The following AIFM1 variants were observed in gnomAD, a reference collection of about 807,000 sequenced individuals.
AIFM1 encodes apoptosis inducing factor mitochondria associated 1.
A neutral mutation model predicts 51.7 loss-of-function variants in AIFM1; 3 were observed. That is an observed-to-expected ratio of 0.06 (90% confidence interval 0.03 to 0.15). The LOEUF is 0.15. Ranked by LOEUF, AIFM1 falls within the 10% of genes least tolerant of loss-of-function variation. AIFM1 has a pLI of 1.00. For missense variants in AIFM1, 330 were observed against 476.8 expected (o/e 0.69, Z 2.87); for synonymous variants, 178 against 179.4 (o/e 0.99, Z 0.06).
At chrX:130,136,804 A>C in intron 10 of AIFM1, 73 bp from the exon 11 acceptor site, 1 of 1,095,951 alleles carries the variant, frequency 9.1e-7, no homozygotes, top group East Asian at 3.0e-5. Context: ...AAAGCTGACC[A>C]GCGGTCTCCT....
At chrX:130,156,064 A>T (rs956655519) in intron 2 of AIFM1, among the ~76,000 whole-genome samples, 31 of 111,713 alleles carry the variant, frequency 2.8e-4, no homozygotes, top group African/African-American at 1.0e-3. Flanking sequence ...CCTCAAGCTG[A>T]GGAAATAAAA....
chrX:130,130,303 C>G, intron 14 of AIFM1, 137 bp from the exon 15 acceptor site: 1 of 707,835 alleles, frequency 1.4e-6, no homozygotes, highest in Admixed American at 2.7e-5. Context: ...TTTCTCTATG[C>G]CCCCTCAGTA....
At position 130,138,203 on chromosome X, in the gene AIFM1, C is replaced by G. The variant is rs1180397646; in HGVS notation, c.967+390G>C. Among the ~76,000 whole-genome samples, 6 of 111,665 alleles carry G rather than the reference C, an allele frequency of 5.4e-5. No individual in the cohort carries two copies. In the East Asian group the frequency reaches 1.7e-3, roughly 31 times the overall value. On this transcript the variant is annotated intron_variant, in intron 9 of 15. Coordinates refer to ENST00000287295, the MANE Select transcript of AIFM1 (RefSeq NM_004208.4). ...TAATTAGGCTGGGTGTGGTGGCTCA[C>G]GCCTGTAATCCCAGCACTTTGGGAG...
chrX:130,163,229 G>C (rs943112792), intron 1 of AIFM1, among the ~76,000 whole-genome samples: 46 of 105,419 alleles, frequency 4.4e-4, no homozygotes, highest in Non-Finnish European at 7.7e-5. Context: ...AGAATTGCTT[G>C]AACCCAGCAG....
At chrX:130,136,874 C>A in intron 10 of AIFM1, 143 bp from the exon 11 acceptor site, 1 of 1,011,200 alleles carries the variant, frequency 9.9e-7, no homozygotes. Flanking sequence ...GAACCTACAC[C>A]CATGGTTCAT....
At chrX:130,138,193 T>C (rs960961537) in intron 9 of AIFM1, among the ~76,000 whole-genome samples, 40 of 110,599 alleles carry the variant, frequency 3.6e-4, no homozygotes, top group Middle Eastern at 9.6e-3. Flanking sequence ...AGGCTGGGTG[T>C]GGTGGCTCAC....
intron 2 of AIFM1, among the ~76,000 whole-genome samples, chrX:130,151,385 C>T (rs2030973511): frequency 9.0e-6 from 1 of 111,041 alleles, no homozygotes; most frequent in African/African-American, 3.3e-5. Flanking sequence ...GTGATCCACC[C>T]ACCTTGGCCT....
At chrX:130,138,119 C>A (rs1236898848) in intron 9 of AIFM1, 2 of 116,469 alleles carry the variant, frequency 1.7e-5, no homozygotes, top group Admixed American at 1.8e-4. Context: ...GCTTTTTGGT[C>A]ACCAAGGGAT....
At chrX:130,137,379 A>AG in intron 9 of AIFM1, 194 bp from the exon 10 acceptor site, 1 of 1,155,261 alleles carries the variant, frequency 8.7e-7, no homozygotes, top group East Asian at 3.3e-5. Context: ...CAAATACAAC[A>AG]GGTATCAGAA....
At chrX:130,146,456 TG>T in intron 5 of AIFM1, among the ~76,000 whole-genome samples, 1 of 65,170 alleles carries the variant, frequency 1.5e-5, no homozygotes, top group Non-Finnish European at 2.5e-5. Flanking sequence ...AAAATATGTG[TG>T]TGTGTGTGTG....
In AIFM1 at chrX:130,136,141, A is replaced by G; in HGVS notation, c.1209T>C (p.Asn403=). 2.5e-6 allele frequency: 3 copies of G among 1,211,699 alleles called. No homozygotes were observed. The highest frequency in any genetic ancestry group is 3.4e-6 in the Non-Finnish European group (3 of 895,438). The change falls in exon 12 of 16, where the codon AAT becomes AAC. Residue 403 remains asparagine (N), a synonymous_variant. Coordinates refer to ENST00000287295, the MANE Select transcript of AIFM1 (RefSeq NM_004208.4). ...GGCCACCAGTCTTGGCCAACTCAAC[A>G]TTGGGCTCCAGGCCCACAGCTGCCA... ...HIVAAVGLEP[N]VELAKTGGLE...
chrX:130,141,376 G>A (rs1290078861), intron 6 of AIFM1, among the ~76,000 whole-genome samples: 1 of 111,542 alleles, frequency 9.0e-6, no homozygotes, highest in African/African-American at 3.3e-5. Context: ...ACCCATGTGT[G>A]GAAAAGGAGA....
chrX:130,165,296 A>T (rs2031492096), intron 1 of AIFM1, among the ~76,000 whole-genome samples: 1 of 111,160 alleles, frequency 9.0e-6, no homozygotes, highest in Non-Finnish European at 1.9e-5. Context: ...TTGTTCTGGG[A>T]TCCCTGAACA....
At position 130,130,857 on chromosome X, in the gene AIFM1, TCCAAATAATAC is replaced by T. The variant is rs1404068839; in HGVS notation, c.1574-702_1574-692del. ...GGCACCTTGCTGAGAACCACCAGCC[TCCAAATAATAC>T]TGTCCAGTCGACAAAGCAGTGACAT... On this transcript the variant is annotated intron_variant, in intron 14 of 15. Coordinates refer to ENST00000287295, the MANE Select transcript of AIFM1 (RefSeq NM_004208.4). 2.7e-5 allele frequency among the ~76,000 whole-genome samples: 3 copies of T among 112,155 alleles called. No homozygotes were observed. The Admixed American group carries it at 2.8e-4, about 11-fold the overall frequency.
In AIFM1 at chrX:130,131,769, T is replaced by C. The variant is rs748774215; in HGVS notation, c.1479A>G (p.Glu493=). The change falls in exon 14 of 16, where the codon GAA becomes GAG. Residue 493 remains glutamate (E), a synonymous_variant. Transcript: ENST00000287295. The stretch of plus-strand genomic sequence containing the variant: ...AACTACTGTCCACAAGACCAATAGC[T>C]TCATAGCCAACATCGGGGCCCAAAT... ...WSDLGPDVGY[E]AIGLVDSSLP... is the part of the protein sequence containing the mutation. The C allele has an allele frequency of 4.1e-6, 5 of 1,210,347 alleles. No homozygotes were observed. In the African/African-American group the frequency reaches 8.7e-5, roughly 21 times the overall value.
rs61088414 is a variant in AIFM1, at chrX:130,155,693, C to T, written c.249+768G>A. Among the ~76,000 whole-genome samples, 74 of 112,055 alleles carry T rather than the reference C, an allele frequency of 6.6e-4. 1 individual carries two copies. The East Asian group carries it at 0.02, about 30-fold the overall frequency. ...GTAATGGCTTAAGTAAAACAAACAG[C>T]TTCCTTCAATCAAGGGTGTTACTAG... On this transcript the variant is annotated intron_variant, in intron 2 of 15. Transcript: ENST00000287295.
intron 1 of AIFM1, among the ~76,000 whole-genome samples, chrX:130,156,903 T>C (rs1406730428): frequency 8.9e-6 from 1 of 111,855 alleles, no homozygotes; most frequent in Non-Finnish European, 1.9e-5. Flanking sequence ...CCTTCATGTC[T>C]TTCCCATAAA....
chrX:130,129,864 T>C, intron 15 of AIFM1, 106 bp downstream of exon 15: 1 of 1,011,611 alleles, frequency 9.9e-7, no homozygotes, highest in Non-Finnish European at 1.4e-6. Flanking sequence ...CAGGCACAAT[T>C]TGACCTGGCC....
In AIFM1 at chrX:130,165,573, C is replaced by T. The variant is rs762259913; in HGVS notation, c.84G>A (p.Pro28=). 4.2e-6 allele frequency: 5 copies of T among 1,198,162 alleles called. No individual in the cohort carries two copies. The Admixed American group carries it at 1.1e-4, about 27-fold the overall frequency. Residue 28 remains proline (P), a synonymous_variant, in exon 1 of 16, where the codon CCG becomes CCA. Coordinates refer to ENST00000287295, the MANE Select transcript of AIFM1 (RefSeq NM_004208.4). Reference sequence around the variant, plus strand: ...CACCTGGGAGCCGGTTCCTCTGCCTCGGGCTTCGGACGCACACGGTCCGCA... The same window carrying T: ...CACCTGGGAGCCGGTTCCTCTGCCTTGGGCTTCGGACGCACACGGTCCGCA... ...PLVRTVCVRS[P]RQRNRLPGNL...
Sources: allele counts gnomAD v4.1 joint callset (sites outside exome capture counted in the v4.1 genomes callset), GRCh38; gene constraint gnomAD v4.1.1; transcripts MANE v1.5; gene names NCBI Gene and HGNC (gene_info 2026-07-23, HGNC 2026-07-21).